The following BICD1 variants were observed in gnomAD, a reference collection of about 807,000 sequenced individuals.
BICD1 encodes the protein BICD cargo adaptor 1, also known as protein bicaudal D homolog 1.
Under a neutral mutation model 92.5 loss-of-function variants are expected in BICD1, and 35 were observed. The ratio of observed to expected loss-of-function variants is 0.38; its 90% CI spans 0.29 to 0.50. The LOEUF (loss-of-function observed/expected upper bound fraction) is 0.50, where lower values mean the gene tolerates loss of function less well. Among genes scored for constraint, BICD1 ranks in the 20% least tolerant of loss-of-function variants. The probability of loss-of-function intolerance (pLI) is 0.93; values close to 1 mark genes in which losing one functional copy is unlikely to be tolerated. For synonymous variants in BICD1, 429 were observed against 465.1 expected (o/e 0.92, Z 1.00); for missense variants, 950 against 1,189.8 (o/e 0.80, Z 2.97).
chr12:32,359,114 CT>C (rs200493659), intron 8 of BICD1, among the ~76,000 whole-genome samples: 1,809 of 152,334 alleles, frequency 0.012, 107 homozygotes, highest in Admixed American at 0.11. Flanking sequence ...TTAGGACAAT[CT>C]ATAACTCTCT....
chr12:32,153,801 A>G (rs1206734917), intron 1 of BICD1, among the ~76,000 whole-genome samples: 2 of 150,468 alleles, frequency 1.3e-5, no homozygotes, highest in African/African-American at 2.4e-5. Flanking sequence ...GTGTGTGTAT[A>G]TATGTAATAC....
chr12:32,112,778 G>C (rs1036807134), intron 1 of BICD1, among the ~76,000 whole-genome samples: 4 of 152,200 alleles, frequency 2.6e-5, no homozygotes, highest in African/African-American at 9.6e-5. Flanking sequence ...AACAGTCACT[G>C]TGTTTAATCT....
chr12:32,169,789 T>C (rs1289752704), intron 1 of BICD1, among the ~76,000 whole-genome samples: 1 of 152,142 alleles, frequency 6.6e-6, no homozygotes, highest in East Asian at 1.9e-4. Context: ...AGAGTCTCAC[T>C]GTGTTGCCCA....
chr12:32,257,557 C>G (rs1317344872), intron 2 of BICD1, among the ~76,000 whole-genome samples: 4 of 151,932 alleles, frequency 2.6e-5, no homozygotes, highest in Admixed American at 1.3e-4. Context: ...TTTGGTACAA[C>G]CATCTTGAAA....
intron 3 of BICD1, among the ~76,000 whole-genome samples, chr12:32,296,499 T>G (rs1947878072): frequency 6.6e-6 from 1 of 151,684 alleles, no homozygotes; most frequent in Non-Finnish European, 1.5e-5. Flanking sequence ...CCTCATGATC[T>G]GCCCGCCTCA....
chr12:32,271,032 G>A lies in BICD1; in HGVS notation c.427-22962G>A, dbSNP rs548550168. ...GCAGCTCCAGGCTGTATGACCCCCA[G>A]GCAATTAGGCACCAAAAGAAGATGC... On this transcript the variant is annotated intron_variant, in intron 2 of 9. Coordinates refer to ENST00000652176, the MANE Select transcript of BICD1 (RefSeq NM_001714.4). Among the ~76,000 whole-genome samples the A allele has an allele frequency of 3.3e-5, 5 of 152,278 alleles. 1 individual carries two copies. In the South Asian group the frequency reaches 1.0e-3, roughly 32 times the overall value.
At chr12:32,125,023 T>G (rs1942279206) in intron 1 of BICD1, among the ~76,000 whole-genome samples, 1 of 152,198 alleles carries the variant, frequency 6.6e-6, no homozygotes, top group African/African-American at 2.4e-5. Flanking sequence ...TGCCCTCCTT[T>G]GTATATTTTA....
chr12:32,186,446 C>A (rs903899107), intron 1 of BICD1, among the ~76,000 whole-genome samples: 1 of 152,168 alleles, frequency 6.6e-6, no homozygotes, highest in Admixed American at 6.5e-5. Flanking sequence ...CTTTTTGCTA[C>A]GTGATGTATT....
intron 9 of BICD1, among the ~76,000 whole-genome samples, chr12:32,374,961 C>G (rs1939884960): frequency 8.2e-6 from 1 of 122,658 alleles, no homozygotes; most frequent in African/African-American, 3.2e-5. Context: ...CTCTGTCGTC[C>G]AGGCTGGAGT....
chr12:32,294,216 C>T, intron 3 of BICD1, 70 bp downstream of exon 3: 1 of 1,389,700 alleles, frequency 7.2e-7, no homozygotes, highest in Non-Finnish European at 9.8e-7. Context: ...GGTTAAATCT[C>T]CAAACTTGTC....
At chr12:32,241,062 G>A (rs1157468613) in intron 2 of BICD1, among the ~76,000 whole-genome samples, 1 of 152,078 alleles carries the variant, frequency 6.6e-6, no homozygotes, top group Admixed American at 6.6e-5. Context: ...TTATTGTGAT[G>A]GGCAAATCCA....
intron 2 of BICD1, among the ~76,000 whole-genome samples, chr12:32,220,087 C>T (rs888040649): frequency 2.0e-4 from 31 of 152,152 alleles, no homozygotes; most frequent in African/African-American, 4.8e-4. Flanking sequence ...TATACAAAAA[C>T]TAATTCAAGA....
chr12:32,245,779 C>T (rs569184819), intron 2 of BICD1, among the ~76,000 whole-genome samples: 25 of 151,910 alleles, frequency 1.6e-4, no homozygotes, highest in Non-Finnish European at 3.4e-4. Flanking sequence ...GCCTGTAATC[C>T]CACACTTTGG....
chr12:32,250,702 C>CA (rs1293681349), intron 2 of BICD1, among the ~76,000 whole-genome samples: 13 of 152,062 alleles, frequency 8.5e-5, no homozygotes, highest in Non-Finnish European at 1.5e-5. Flanking sequence ...AGGATGAAGC[C>CA]AGGCGCAGTG....
chr12:32,191,132 A>G (rs1565576594), intron 1 of BICD1, among the ~76,000 whole-genome samples: 1 of 152,220 alleles, frequency 6.6e-6, no homozygotes, highest in Non-Finnish European at 1.5e-5. Flanking sequence ...TACATTCGGA[A>G]GAAAGATCTT....
Position 32,339,847 on chromosome 12 carries a change from T to C in BICD1, c.2764+868T>C, listed in dbSNP as rs142470350. On this transcript the variant is annotated intron_variant, in intron 8 of 9. Coordinates refer to ENST00000652176, the MANE Select transcript of BICD1 (RefSeq NM_001714.4). ...TATTGACAGTTAAAAATTCAAGAGA[T>C]TTTATATGAACATCAGTATTTCTGG... 3.4e-5 allele frequency: 33 copies of C among 971,520 alleles called. No homozygotes were observed. In the East Asian group the frequency reaches 3.5e-3, roughly 104 times the overall value. The allele number at this position is 971,520 out of a possible 1,614,324, so 60.2% of individuals were successfully genotyped here. A position where few individuals can be genotyped will look rare whatever the true frequency, so the allele number is the denominator to read the frequency against.
chr12:32,121,311 A>G (rs1942141681), intron 1 of BICD1, among the ~76,000 whole-genome samples: 1 of 152,040 alleles, frequency 6.6e-6, no homozygotes, highest in Non-Finnish European at 1.5e-5. Flanking sequence ...TGTTGGCATT[A>G]AAAACTAATG....
At chr12:32,374,253 A>G (rs1339517883) in intron 9 of BICD1, among the ~76,000 whole-genome samples, 3 of 152,098 alleles carry the variant, frequency 2.0e-5, no homozygotes, top group Non-Finnish European at 4.4e-5. Context: ...AAAAAGCCAT[A>G]TCTTTCTTGT....
At chr12:32,289,319 T>C (rs2593998) in intron 2 of BICD1, among the ~76,000 whole-genome samples, 33,885 of 152,202 alleles carry the variant, frequency 0.22, 4,766 homozygotes, top group Non-Finnish European at 0.32. Context: ...TTCAGTTATC[T>C]TGGCAGAAAT....
Sources: allele counts gnomAD v4.1 joint callset (sites outside exome capture counted in the v4.1 genomes callset), GRCh38; gene constraint gnomAD v4.1.1; transcripts MANE v1.5; gene names NCBI Gene and HGNC (gene_info 2026-07-23, HGNC 2026-07-21).